The following NEK11 variants were observed in gnomAD, a reference collection of about 807,000 sequenced individuals.
The protein encoded by NEK11 is NIMA related kinase 11, also known as serine/threonine-protein kinase Nek11.
Under a neutral mutation model 80.7 loss-of-function variants are expected in NEK11, and 72 were observed. The ratio of observed to expected loss-of-function variants is 0.89; its 90% CI spans 0.74 to 1.08. The LOEUF is 1.08. Ranked by LOEUF, NEK11 falls within the 50% of genes least tolerant of loss-of-function variation. The probability of loss-of-function intolerance (pLI) is 0.00; values close to 1 mark genes in which losing one functional copy is unlikely to be tolerated. For missense variants in NEK11, 764 were observed against 763.6 expected (o/e 1.00, Z -0.01); for synonymous variants, 251 against 260.7 (o/e 0.96, Z 0.36).
intron 15 of NEK11, among the ~76,000 whole-genome samples, chr3:131,236,370 C>CT (rs371616789): frequency 2.0e-5 from 3 of 152,026 alleles, no homozygotes; most frequent in South Asian, 2.1e-4. Context: ...ATCAGCCCTG[C>CT]TTTTTTTTCG....
Position 131,282,558 on chromosome 3 carries a change from C to T in NEK11, c.1718+8984C>T, listed in dbSNP as rs1030650985. 2.6e-5 allele frequency among the ~76,000 whole-genome samples: 4 copies of T among 152,088 alleles called. No individual in the cohort carries two copies. The East Asian group carries it at 5.8e-4, about 22-fold the overall frequency. ...GAGCACAGCCCTGGTATAGTGCTGC[C>T]GTGAGGGCTGAAGTCAACTATTTAG... On this transcript the variant is annotated intron_variant, in intron 17 of 17. Coordinates refer to ENST00000383366, the MANE Select transcript of NEK11 (RefSeq NM_024800.5).
chr3:131,139,555 A>G (rs1014106647), intron 7 of NEK11, among the ~76,000 whole-genome samples: 13 of 152,180 alleles, frequency 8.5e-5, no homozygotes, highest in Admixed American at 4.6e-4. Context: ...ATAGAAGACC[A>G]AACAGATTTA....
chr3:131,268,780 G>T (rs1376187286), intron 16 of NEK11, among the ~76,000 whole-genome samples: 2 of 152,224 alleles, frequency 1.3e-5, no homozygotes, highest in Non-Finnish European at 2.9e-5. Context: ...CTGTCCCTTA[G>T]CAGAGCTCGA....
chr3:131,183,385 C>T (rs930018576), intron 14 of NEK11, among the ~76,000 whole-genome samples: 1 of 152,184 alleles, frequency 6.6e-6, no homozygotes, highest in Non-Finnish European at 1.5e-5. Flanking sequence ...CAACCCATCA[C>T]CTGGGTATTC....
At chr3:131,320,696 A>G (rs951343124) in intron 17 of NEK11, among the ~76,000 whole-genome samples, 51 of 152,266 alleles carry the variant, frequency 3.3e-4, no homozygotes, top group African/African-American at 1.2e-3. Context: ...GCCTGATCCT[A>G]TAAGAATGTC....
intron 10 of NEK11, among the ~76,000 whole-genome samples, 160 bp from the exon 11 acceptor site, chr3:131,162,248 G>A (rs1224147993): frequency 6.6e-6 from 1 of 152,136 alleles, no homozygotes; most frequent in African/African-American, 2.4e-5. Context: ...CTACAGTCCT[G>A]GTTGGCTCAT....
intron 10 of NEK11, among the ~76,000 whole-genome samples, chr3:131,157,637 G>A (rs1579261994): frequency 6.6e-6 from 1 of 152,148 alleles, no homozygotes; most frequent in East Asian, 1.9e-4. Flanking sequence ...AGGATGACTG[G>A]CACACTCCTA....
At chr3:131,063,036 A>T (rs779889629) in intron 3 of NEK11, among the ~76,000 whole-genome samples, 6 of 152,158 alleles carry the variant, frequency 3.9e-5, no homozygotes, top group Non-Finnish European at 4.4e-5. Context: ...TATTTTTGTT[A>T]TTTTAAGAGA....
intron 5 of NEK11, among the ~76,000 whole-genome samples, chr3:131,129,167 C>T (rs2083936396): frequency 2.0e-5 from 3 of 151,064 alleles, no homozygotes; most frequent in Non-Finnish European, 2.9e-5. Context: ...TCTCCCGCCT[C>T]AGCCTCCCAA....
chr3:131,280,088 T>G (rs1240961004), intron 17 of NEK11, among the ~76,000 whole-genome samples: 1 of 152,194 alleles, frequency 6.6e-6, no homozygotes, highest in African/African-American at 2.4e-5. Context: ...AAAAGCTCAA[T>G]AATGGAAAAG....
chr3:131,262,358 A>G (rs375114269), intron 16 of NEK11, among the ~76,000 whole-genome samples: 124 of 152,274 alleles, frequency 8.1e-4, no homozygotes, highest in African/African-American at 2.7e-3. Context: ...CTGTCTCTAA[A>G]CATAAATACA....
intron 4 of NEK11, among the ~76,000 whole-genome samples, chr3:131,091,960 G>C (rs948701178): frequency 6.6e-6 from 1 of 152,186 alleles, no homozygotes; most frequent in Non-Finnish European, 1.5e-5. Flanking sequence ...TTTGGGCATG[G>C]TGTGATGATT....
chr3:131,271,813 G>A lies in NEK11; in HGVS notation c.1622-1665G>A, dbSNP rs112217672. On this transcript the variant is annotated intron_variant, in intron 16 of 17. Coordinates refer to ENST00000383366, the MANE Select transcript of NEK11 (RefSeq NM_024800.5). ...TCCATCTCAAAAAAATAAAAAGGTC[G>A]GGTGTGGTGGCTCACGCCTGTAATT... Among the ~76,000 whole-genome samples, 280 of 141,312 alleles carry A rather than the reference G, an allele frequency of 2.0e-3. 2 individuals are homozygous for A. The highest frequency in any genetic ancestry group is 6.8e-3 in the African/African-American group (257 of 37,674). 92.7% of individuals were successfully genotyped at this position (141,312 alleles called of 152,430 possible).
chr3:131,059,973 A>G (rs1471997941), intron 3 of NEK11, among the ~76,000 whole-genome samples: 1 of 152,238 alleles, frequency 6.6e-6, no homozygotes, highest in Non-Finnish European at 1.5e-5. Context: ...TGAAAAATGC[A>G]TAGTCCCTTG....
chr3:131,128,622 G>A (rs1007705064), intron 5 of NEK11, among the ~76,000 whole-genome samples: 2 of 152,204 alleles, frequency 1.3e-5, no homozygotes, highest in African/African-American at 4.8e-5. Flanking sequence ...AAACACCATT[G>A]TGCAGGTTTT....
intron 14 of NEK11, among the ~76,000 whole-genome samples, chr3:131,215,028 A>T (rs2094774040): frequency 6.6e-6 from 1 of 152,194 alleles, no homozygotes; most frequent in African/African-American, 2.4e-5. Context: ...GAAAGAAAGC[A>T]TCATGGCAAA....
intron 5 of NEK11, among the ~76,000 whole-genome samples, chr3:131,129,383 T>C (rs932929966): frequency 6.6e-6 from 1 of 152,128 alleles, no homozygotes; most frequent in Non-Finnish European, 1.5e-5. Flanking sequence ...CTTTTGCAAA[T>C]ATTTTCTCCC....
chr3:131,286,248 G>A (rs1489541628), intron 17 of NEK11, among the ~76,000 whole-genome samples: 1 of 152,200 alleles, frequency 6.6e-6, no homozygotes. Context: ...AAAACAGATG[G>A]CCAGGGTTGG....
intron 14 of NEK11, among the ~76,000 whole-genome samples, chr3:131,179,765 A>G (rs953729240): frequency 8.5e-5 from 13 of 152,178 alleles, no homozygotes; most frequent in Non-Finnish European, 1.0e-4. Context: ...ACACCTCTGA[A>G]ATGGAGATGC....
Sources: allele counts gnomAD v4.1 joint callset (sites outside exome capture counted in the v4.1 genomes callset), GRCh38; gene constraint gnomAD v4.1.1; transcripts MANE v1.5; gene names NCBI Gene and HGNC (gene_info 2026-07-23, HGNC 2026-07-21).